AGMAT: variants seen among roughly 807,000 people sequenced by gnomAD.
The protein encoded by AGMAT is guanidino acid hydrolase, mitochondrial.
Under a neutral mutation model 29.3 loss-of-function variants are expected in AGMAT, and 37 were observed. The observed-to-expected ratio is 1.26, with a 90% CI of 0.97 to 1.66. AGMAT has a LOEUF of 1.66. Ranked by LOEUF, AGMAT falls within the 40% of genes most tolerant of loss-of-function variation. The probability of loss-of-function intolerance (pLI) is 0.00; values close to 1 mark genes in which losing one functional copy is unlikely to be tolerated. For missense variants in AGMAT, 498 were observed against 497.8 expected, an observed-to-expected ratio of 1.00 and a Z score of 0.00; for synonymous variants, 199 against 200.8, an observed-to-expected ratio of 0.99 and a Z score of 0.08.
At chr1:15,578,552 C>T (rs1233063686) in intron 4 of AGMAT, among the ~76,000 whole-genome samples, 1 of 152,014 alleles carries the variant, frequency 6.6e-6, no homozygotes, top group Non-Finnish European at 1.5e-5. Flanking sequence ...ACCTTAGCCT[C>T]CCAAAGTGCT....
rs557042206 is a variant in AGMAT at position 15,582,941 on chromosome 1, T to C, written c.475+252A>G. On this transcript the variant is annotated intron_variant, in intron 2 of 6. Transcript: ENST00000375826. ...TGAACCCAGGAAGTGGAGGTTGCAATGTGCCGAGATTGCACCACTGCACTC... is the reference window on the plus strand; with the variant it reads ...TGAACCCAGGAAGTGGAGGTTGCAACGTGCCGAGATTGCACCACTGCACTC... 3.3e-5 allele frequency among the ~76,000 whole-genome samples: 5 copies of C among 152,278 alleles called. No homozygotes were observed. In the South Asian group the frequency reaches 1.0e-3, roughly 32 times the overall value.
chr1:15,578,591 G>A (rs6677528), intron 4 of AGMAT, among the ~76,000 whole-genome samples: 1,757 of 152,052 alleles, frequency 0.012, 40 homozygotes, highest in African/African-American at 0.039. Context: ...CACTGTGCCC[G>A]GCCTCCTCCC....
Position 15,573,236 on chromosome 1 carries a change from G to A in AGMAT, c.*415C>T, listed in dbSNP as rs1638984428. ...ATCATGCCATTGCACTCCAGCCTGG[G>A]TGACAAGCAAAACTCTATCTCAAAA... On this transcript the variant is annotated 3_prime_UTR_variant, in exon 7 of 7. Transcript: ENST00000375826. 6.4e-6 allele frequency: 1 copy of A among 156,068 alleles called. No individual in the cohort carries two copies. The highest frequency in any genetic ancestry group is 1.4e-5 in the Non-Finnish European group (1 of 71,062). 9.7% of individuals were successfully genotyped at this position (156,068 alleles called of 1,614,324 possible). A position where few individuals can be genotyped will look rare whatever the true frequency, so the allele number is the denominator to read the frequency against.
chr1:15,582,494 T>C (rs895434036), intron 2 of AGMAT, among the ~76,000 whole-genome samples: 2 of 152,280 alleles, frequency 1.3e-5, no homozygotes, highest in South Asian at 4.1e-4. Flanking sequence ...CCTCCCACTA[T>C]GCCATGCAGG....
chr1:15,573,620 G>T lies in AGMAT; in HGVS notation c.*31C>A. 1 of 1,602,472 alleles carries T rather than the reference G, an allele frequency of 6.2e-7. No individual in the cohort carries two copies. Among genetic ancestry groups the T allele is most frequent in the Non-Finnish European group, 8.6e-7 (1 of 1,169,572 alleles). The stretch of plus-strand genomic sequence containing the variant: ...TTCTTCTTGAGAACTTGTCAGCGAC[G>T]CAATCTGTTTTGTCTTGAAGAGCAC... On this transcript the variant is annotated 3_prime_UTR_variant, in exon 7 of 7. Transcript: ENST00000375826.
At position 15,584,985 on chromosome 1, in the gene AGMAT, A is replaced by G. The variant is rs1639168264; in HGVS notation, c.-18T>C. The G allele has an allele frequency of 7.7e-7, 1 of 1,297,468 alleles. No individual in the cohort carries two copies. The highest frequency in any genetic ancestry group is 2.4e-5 in the South Asian group (1 of 42,066). 80.4% of individuals were successfully genotyped at this position (1,297,468 alleles called of 1,614,324 possible). On this transcript the variant is annotated 5_prime_UTR_variant, in exon 1 of 7. Transcript: ENST00000375826. The stretch of plus-strand genomic sequence containing the variant: ...CTCAGCATTGCCGCGCGCGGCCAAG[A>G]CCTCACCGACCAAACCGCCCGCGAG...
chr1:15,583,050 A>G (rs940690945), intron 2 of AGMAT, 143 bp downstream of exon 2: 18 of 734,162 alleles, frequency 2.5e-5, no homozygotes, highest in Admixed American at 7.9e-5. Flanking sequence ...ATTAAAATAA[A>G]TGAATTACAA....
At chr1:15,577,430 G>A (rs1053952650) in intron 5 of AGMAT, among the ~76,000 whole-genome samples, 4 of 152,016 alleles carry the variant, frequency 2.6e-5, no homozygotes, top group African/African-American at 7.2e-5. Flanking sequence ...AAAATTAGCC[G>A]GGCGTAGTGG....
At chr1:15,584,657 C>A in intron 1 of AGMAT, 39 bp downstream of exon 1, 1 of 1,277,030 alleles carries the variant, frequency 7.8e-7, no homozygotes, top group Non-Finnish European at 9.9e-7. Context: ...AGCAAGCAGT[C>A]CCTCCACGTG....
Position 15,572,146 on chromosome 1 carries a change from G to GAAAAAA in AGMAT, c.*1499_*1504dup, listed in dbSNP as rs560322313. On this transcript the variant is annotated 3_prime_UTR_variant, in exon 7 of 7. Coordinates refer to ENST00000375826, the MANE Select transcript of AGMAT (RefSeq NM_024758.5). ...GGGGACAGAGCGAGACTCCATCTCA[G>GAAAAAA]AAAAAAAAAAAAAAAAAAAAGCCCA... is the stretch of plus-strand genomic sequence containing the variant. 1.6e-5 allele frequency among the ~76,000 whole-genome samples: 1 copy of GAAAAAA among 63,738 alleles called. No individual in the cohort carries two copies. The highest frequency in any genetic ancestry group is 3.0e-5 in the Non-Finnish European group (1 of 32,906). The allele number at this position is 63,738 out of a possible 152,430, so 41.8% of individuals were successfully genotyped here.
chr1:15,574,298 G>A (rs1337285557), intron 6 of AGMAT, among the ~76,000 whole-genome samples: 1 of 151,738 alleles, frequency 6.6e-6, no homozygotes, highest in African/African-American at 2.4e-5. Context: ...GCTCATGTTT[G>A]TAAGGTGTGC....
rs748817164 is a variant in AGMAT at position 15,578,843 on chromosome 1, G to T, written c.720+16C>A. The T allele has an allele frequency of 6.2e-7, 1 of 1,611,394 alleles. No homozygotes were observed. On this transcript the variant is annotated intron_variant, in intron 4 of 6. Coordinates refer to ENST00000375826, the MANE Select transcript of AGMAT (RefSeq NM_024758.5). The stretch of plus-strand genomic sequence containing the variant: ...ACATTTTGAGGGGCAAGGGTGGGGG[G>T]CATTCGGTCTGTCACCTGGCTCCGG...
intron 2 of AGMAT, 82 bp downstream of exon 2, chr1:15,583,111 T>A: frequency 7.8e-7 from 1 of 1,273,932 alleles, no homozygotes. Flanking sequence ...AGGGGAGAAG[T>A]AGCTGTACTC....
At position 15,578,946 on chromosome 1, in the gene AGMAT, C is replaced by T. The variant is rs1309934988; in HGVS notation, c.633G>A (p.Glu211=). 2 of 1,614,048 alleles carry T rather than the reference C, an allele frequency of 1.2e-6. No individual in the cohort carries two copies. Among genetic ancestry groups the T allele is most frequent in the East Asian group, 2.2e-5 (1 of 44,886 alleles). The change falls in exon 4 of 7, where the codon GAG becomes GAA. Residue 211 remains glutamate, a synonymous_variant. Coordinates refer to ENST00000375826, the MANE Select transcript of AGMAT (RefSeq NM_024758.5). ...HGAPFRRCVD[E]GLLDCKRVVQ... ...CCACACGCTTACAGTCCAGGAGACC[C>T]TCATCCACACACCGGCGGAAGGGCG... is the stretch of plus-strand genomic sequence containing the variant.
At position 15,574,771 on chromosome 1, in the gene AGMAT, G is replaced by T; in HGVS notation, c.971C>A (p.Pro324Gln). 6.2e-7 allele frequency: 1 copy of T among 1,613,560 alleles called. No homozygotes were observed. The highest frequency in any genetic ancestry group is 8.5e-7 in the Non-Finnish European group (1 of 1,179,626). ...MGCDLVEVSP[P>Q]YDLSGNTALL... ...TGCTTACTCACCAGAAAGATCATAC[G>T]GTGGTGAAACTTCGACAAGATCACA... is the stretch of plus-strand genomic sequence containing the variant. The change falls in exon 6 of 7, where the codon CCG becomes CAG. Residue 324 changes from proline to glutamine, a missense_variant. Pro to Gln is a moderately conservative substitution (Grantham distance 76). Coordinates refer to ENST00000375826, the MANE Select transcript of AGMAT (RefSeq NM_024758.5).
At chr1:15,576,708 G>T (rs566035353) in intron 5 of AGMAT, among the ~76,000 whole-genome samples, 1 of 141,136 alleles carries the variant, frequency 7.1e-6, no homozygotes, top group Non-Finnish European at 1.5e-5. Context: ...GATTCCAGGC[G>T]TGAGCCACGA....
rs33990724 is a variant in AGMAT at position 15,572,352 on chromosome 1, C to CTTTTTTTTTT, written c.*1289_*1298dup. ...GGCGTGAGCCACTGGGTCCGGCCTGCTTTTTTTTTTTTTTTTTTTTTTTTG... is the reference window on the plus strand; with the variant it reads ...GGCGTGAGCCACTGGGTCCGGCCTGCTTTTTTTTTTTTTTTTTTTTTTTTTTTTTTTTTTG... On this transcript the variant is annotated 3_prime_UTR_variant, in exon 7 of 7. Coordinates refer to ENST00000375826, the MANE Select transcript of AGMAT (RefSeq NM_024758.5). 15 of 43,736 alleles carry CTTTTTTTTTT rather than the reference C, an allele frequency of 3.4e-4. 1 individual carries two copies. Among genetic ancestry groups the CTTTTTTTTTT allele is most frequent in the African/African-American group, 1.6e-3 (15 of 9,522 alleles). The allele number at this position is 43,736 out of a possible 1,614,324, so 2.7% of individuals were successfully genotyped here. A position where few individuals can be genotyped will look rare whatever the true frequency, so the allele number is the denominator to read the frequency against.
chr1:15,580,703 C>T (rs1326052050), intron 2 of AGMAT, among the ~76,000 whole-genome samples: 3 of 151,062 alleles, frequency 2.0e-5, no homozygotes, highest in South Asian at 2.1e-4. Flanking sequence ...TTGCTGGGCA[C>T]GGTGGCTCAT....
At chr1:15,581,375 T>C (rs1309119312) in intron 2 of AGMAT, among the ~76,000 whole-genome samples, 1 of 151,796 alleles carries the variant, frequency 6.6e-6, no homozygotes, top group Non-Finnish European at 1.5e-5. Flanking sequence ...AAGAGGAAAT[T>C]AGACAAGTTA....
Sources: gnomAD v4.1 joint callset for allele counts (sites outside exome capture counted in the v4.1 genomes callset) on GRCh38, gnomAD v4.1.1 for gene constraint, MANE v1.5 for transcripts, NCBI Gene and HGNC (gene_info 2026-07-23, HGNC 2026-07-21) for gene names.